EGFL7: variants seen among roughly 807,000 people sequenced by gnomAD.
The protein encoded by EGFL7 is epidermal growth factor-like protein 7.
In EGFL7, 48 loss-of-function variants were observed where a neutral mutation model predicts 37.1. That is an observed-to-expected ratio of 1.29 (90% CI 1.03 to 1.65). The LOEUF is 1.65. EGFL7 is among the 40% of genes most tolerant of loss of function. EGFL7 has a pLI of 0.00. For synonymous variants in EGFL7, 180 were observed against 156.8 expected (o/e 1.15, Z -1.10); for missense variants, 384 against 378.9 (o/e 1.01, Z -0.11).
upstream of EGFL7, chr9:136,662,900 C>T (rs1845234342): frequency 6.6e-6 from 1 of 152,350 alleles, no homozygotes; most frequent in African/African-American, 2.4e-5. Flanking sequence ...AAAAAGCCGC[C>T]CTTCCTCGCC....
intron 6 of EGFL7, 90 bp downstream of exon 6, chr9:136,669,811 G>A (rs775995348): frequency 3.7e-5 from 53 of 1,439,030 alleles, no homozygotes; most frequent in Middle Eastern, 2.3e-4. Flanking sequence ...CTTGAACCCC[G>A]AGCAAAGCAC....
intron 3 of EGFL7, among the ~76,000 whole-genome samples, chr9:136,667,981 A>T (rs1031203854): frequency 2.3e-4 from 35 of 152,084 alleles, no homozygotes; most frequent in African/African-American, 8.5e-4. Flanking sequence ...GATCCACTCG[A>T]TTCCTGCACC....
In EGFL7 at chr9:136,672,027, G is replaced by A; in HGVS notation, c.738G>A (p.Gln246=). 1 of 1,544,856 alleles carries A rather than the reference G, an allele frequency of 6.5e-7. No individual in the cohort carries two copies. Among genetic ancestry groups the A allele is most frequent in the Admixed American group, 2.0e-5 (1 of 51,002 alleles). ...GCCTCCTGGTGCACTCCTTCCAGCA[G>A]CTCGGCCGCATCGACTCCCTGAGCG... ...PGSLLVHSFQ[Q]LGRIDSLSEQ... is the part of the protein sequence containing the mutation. The change falls in exon 10 of 11, where the codon CAG becomes CAA. Residue 246 remains glutamine, a synonymous_variant. Coordinates refer to ENST00000308874, the MANE Select transcript of EGFL7 (RefSeq NM_016215.5).
chr9:136,660,019 C>T (rs1845041162), upstream of EGFL7, among the ~76,000 whole-genome samples: 6 of 152,202 alleles, frequency 3.9e-5, no homozygotes, highest in Admixed American at 3.9e-4. Context: ...CAAAATGATT[C>T]CCTGCTGAAG....
chr9:136,665,998 C>G (rs1170118982), intron 3 of EGFL7, among the ~76,000 whole-genome samples: 1 of 145,324 alleles, frequency 6.9e-6, no homozygotes, highest in African/African-American at 2.5e-5. Flanking sequence ...CCGGGGCGCC[C>G]GCGGCTGGGT....
chr9:136,668,716 C>G (rs766745501), intron 5 of EGFL7, 43 bp downstream of exon 5: 35 of 1,519,588 alleles, frequency 2.3e-5, no homozygotes, highest in Non-Finnish European at 2.9e-5. Flanking sequence ...CCCAGCCTCC[C>G]AAGTCGGCCA....
upstream of EGFL7, chr9:136,660,407 CTG>C (rs1175629489): frequency 6.6e-6 from 1 of 152,412 alleles, no homozygotes; most frequent in Non-Finnish European, 1.5e-5. Flanking sequence ...AGCTGGCACT[CTG>C]GGCCTGAGCC....
At chr9:136,671,037 G>GTCTTCACAACAGCA in intron 9 of EGFL7, 23 bp downstream of exon 9, 7 of 1,360,934 alleles carry the variant, frequency 5.1e-6, no homozygotes, top group East Asian at 3.9e-5. Context: ...TGGGGGGGGG[G>GTCTTCACAACAGCA]GGGGGCAGGC....
upstream of EGFL7, among the ~76,000 whole-genome samples, chr9:136,660,124 G>A (rs763218105): frequency 1.4e-4 from 22 of 152,180 alleles, no homozygotes; most frequent in Non-Finnish European, 2.6e-4. Context: ...GGGCCCGCCT[G>A]CCCCTTGCTG....
intron 5 of EGFL7, among the ~76,000 whole-genome samples, chr9:136,669,021 T>A (rs1397450732): frequency 6.6e-6 from 1 of 152,116 alleles, no homozygotes; most frequent in East Asian, 1.9e-4. Flanking sequence ...AGTTCCCATA[T>A]ACACAGAATG....
intron 3 of EGFL7, among the ~76,000 whole-genome samples, chr9:136,667,979 C>T (rs1001428905): frequency 6.6e-6 from 1 of 152,218 alleles, no homozygotes; most frequent in Non-Finnish European, 1.5e-5. Context: ...AGGATCCACT[C>T]GATTCCTGCA....
At position 136,671,915 on chromosome 9, in the gene EGFL7, T is replaced by G. The variant is rs1845934552; in HGVS notation, c.637-11T>G. ...GGCCGGCCCAGGGTCACTGCCCTTC[T>G]GCACCCACAGAAGCTGCAGCTGGTG... On this transcript the variant is annotated splice_polypyrimidine_tract_variant and intron_variant, in intron 9 of 10. Transcript: ENST00000308874. 1 of 1,493,026 alleles carries G rather than the reference T, an allele frequency of 6.7e-7. No homozygotes were observed. The highest frequency in any genetic ancestry group is 2.2e-5 in the Admixed American group (1 of 46,404). 92.5% of individuals were successfully genotyped at this position (1,493,026 alleles called of 1,614,324 possible). A position where few individuals can be genotyped will look rare whatever the true frequency, so the allele number is the denominator to read the frequency against.
At chr9:136,665,681 C>T (rs1220217002) in intron 3 of EGFL7, 1 of 149,986 alleles carries the variant, frequency 6.7e-6, no homozygotes, top group Non-Finnish European at 1.5e-5. Flanking sequence ...GCCTCAGTTT[C>T]CCCGTCTGCG....
chr9:136,668,111 C>T lies in EGFL7; in HGVS notation c.-42-130C>T, dbSNP rs904096052. 2.2e-5 allele frequency: 13 copies of T among 592,752 alleles called. 1 individual carries two copies. Among genetic ancestry groups the T allele is most frequent in the Admixed American group, 1.9e-4 (6 of 31,262 alleles). 36.7% of individuals were successfully genotyped at this position (592,752 alleles called of 1,614,324 possible). On this transcript the variant is annotated intron_variant, in intron 3 of 10. Coordinates refer to ENST00000308874, the MANE Select transcript of EGFL7 (RefSeq NM_016215.5). ...CAGCGGAGGAGAGAGTGGGCGCCAC[C>T]GTGGGGCTGTCCCACCGGTGGAGGC...
intron 8 of EGFL7, 148 bp from the exon 9 acceptor site, chr9:136,670,802 C>T: frequency 1.2e-6 from 1 of 803,110 alleles, no homozygotes; most frequent in African/African-American, 1.7e-5. Context: ...AGCCCTGAGA[C>T]CTCTGGCCAG....
chr9:136,663,913 G>C (rs1473235898), intron 2 of EGFL7, among the ~76,000 whole-genome samples: 1 of 152,230 alleles, frequency 6.6e-6, no homozygotes, highest in Non-Finnish European at 1.5e-5. Context: ...GGCAGCCCTG[G>C]AGCTGCCCTT....
intron 8 of EGFL7, chr9:136,670,749 G>A (rs1299487611): frequency 1.4e-6 from 1 of 736,314 alleles, no homozygotes; most frequent in Non-Finnish European, 2.5e-6. Flanking sequence ...GGGACCCTGA[G>A]CCTCTGCGCA....
At chr9:136,659,983 C>G (rs1172803116), upstream of EGFL7, among the ~76,000 whole-genome samples, 1 of 152,146 alleles carries the variant, frequency 6.6e-6, no homozygotes, top group Non-Finnish European at 1.5e-5. Context: ...GGGGCTGGAG[C>G]CTGGGCAGGA....
chr9:136,664,377 C>T (rs909504728), intron 2 of EGFL7, among the ~76,000 whole-genome samples: 4 of 152,198 alleles, frequency 2.6e-5, no homozygotes, highest in African/African-American at 7.2e-5. Flanking sequence ...TCTGCAGGCC[C>T]CTTGCCCAGC....
Sources: allele counts gnomAD v4.1 joint callset (sites outside exome capture counted in the v4.1 genomes callset), GRCh38; gene constraint gnomAD v4.1.1; transcripts MANE v1.5; gene names NCBI Gene and HGNC (gene_info 2026-07-23, HGNC 2026-07-21).